The following NSMCE2 variants were observed in gnomAD, a reference collection of about 807,000 sequenced individuals.
NSMCE2 encodes the protein NSE2 SUMO ligase component of SMC5/6 complex, also known as E3 SUMO-protein ligase NSE2.
NSMCE2 carries 24 observed loss-of-function variants against 23.8 expected under a neutral mutation model. That is an observed-to-expected ratio of 1.01 (90% confidence interval 0.73 to 1.42). NSMCE2 has a LOEUF of 1.42. NSMCE2 is among the 40% of genes most tolerant of loss of function. The probability of loss-of-function intolerance (pLI) is 0.00; values close to 1 mark genes in which losing one functional copy is unlikely to be tolerated. For missense variants in NSMCE2, 284 were observed against 296.5 expected, an observed-to-expected ratio of 0.96 and a Z score of 0.31; for synonymous variants, 92 against 94.1, an observed-to-expected ratio of 0.98 and a Z score of 0.13.
chr8:125,197,498 G>A (rs201166262), intron 5 of NSMCE2, among the ~76,000 whole-genome samples: 10 of 152,208 alleles, frequency 6.6e-5, no homozygotes, highest in East Asian at 1.9e-4. Context: ...ATCAAAGATC[G>A]GATGGTTGTA....
At chr8:125,159,989 C>T (rs2130720717) in intron 4 of NSMCE2, among the ~76,000 whole-genome samples, 1 of 151,630 alleles carries the variant, frequency 6.6e-6, no homozygotes, top group South Asian at 2.1e-4. Flanking sequence ...TCAGTTGGTG[C>T]CAATAGTATG....
At chr8:125,263,594 C>G (rs1461119370) in intron 5 of NSMCE2, among the ~76,000 whole-genome samples, 1 of 151,916 alleles carries the variant, frequency 6.6e-6, no homozygotes, top group Non-Finnish European at 1.5e-5. Flanking sequence ...TACTAAAATA[C>G]AAAAAATTAG....
chr8:125,303,839 A>C (rs769680849), intron 5 of NSMCE2, among the ~76,000 whole-genome samples: 1 of 152,238 alleles, frequency 6.6e-6, no homozygotes, highest in Non-Finnish European at 1.5e-5. Flanking sequence ...ATTTCATTGC[A>C]TCAAGTGTGA....
chr8:125,257,673 A>G (rs1264928242), intron 5 of NSMCE2, among the ~76,000 whole-genome samples: 1 of 151,956 alleles, frequency 6.6e-6, no homozygotes, highest in Non-Finnish European at 1.5e-5. Flanking sequence ...AGCTGGGACT[A>G]CAGGCGCTCA....
chr8:125,121,736 TAAA>T (rs1819272269), intron 3 of NSMCE2, among the ~76,000 whole-genome samples: 3 of 152,204 alleles, frequency 2.0e-5, no homozygotes, highest in Admixed American at 2.0e-4. Flanking sequence ...TGGCATGTTA[TAAA>T]TGCCTTATGT....
chr8:125,127,652 G>T (rs1819578401), intron 3 of NSMCE2, among the ~76,000 whole-genome samples: 1 of 152,106 alleles, frequency 6.6e-6, no homozygotes, highest in Admixed American at 6.6e-5. Context: ...GCATTACCCT[G>T]TATCTGCCTT....
chr8:125,159,911 G>A (rs1821515077), intron 4 of NSMCE2, among the ~76,000 whole-genome samples: 1 of 151,438 alleles, frequency 6.6e-6, no homozygotes, highest in African/African-American at 2.4e-5. Context: ...AGTGAGCCAT[G>A]ATGGCGCCAC....
At chr8:125,185,303 A>G (rs2130811420) in intron 5 of NSMCE2, among the ~76,000 whole-genome samples, 1 of 150,686 alleles carries the variant, frequency 6.6e-6, no homozygotes, top group East Asian at 1.9e-4. Flanking sequence ...TTACATTTTA[A>G]ATTTTTTTTT....
Position 125,238,410 on chromosome 8 carries a change from A to G in NSMCE2, c.418+56154A>G, listed in dbSNP as rs978534624. ...CTATGAATATAACGGAACTGAAACC[A>G]TATTTCAATAAATTATTAACAGCAA... On this transcript the variant is annotated intron_variant, in intron 5 of 7. Coordinates refer to ENST00000287437, the MANE Select transcript of NSMCE2 (RefSeq NM_173685.4). 6.6e-5 allele frequency among the ~76,000 whole-genome samples: 10 copies of G among 152,352 alleles called. No homozygotes were observed. In the East Asian group the frequency reaches 1.4e-3, roughly 21 times the overall value.
At chr8:125,330,164 C>T (rs980427267) in intron 5 of NSMCE2, among the ~76,000 whole-genome samples, 2 of 136,570 alleles carry the variant, frequency 1.5e-5, no homozygotes, top group African/African-American at 5.5e-5. Flanking sequence ...ACAGAACTAA[C>T]TTTTTCTTTT....
chr8:125,157,228 G>A (rs1264102261), intron 4 of NSMCE2, among the ~76,000 whole-genome samples: 1 of 152,186 alleles, frequency 6.6e-6, no homozygotes, highest in African/African-American at 2.4e-5. Context: ...AAAAAGGCAG[G>A]AGGTGACAGG....
At chr8:125,190,674 G>A (rs1823304357) in intron 5 of NSMCE2, among the ~76,000 whole-genome samples, 1 of 152,104 alleles carries the variant, frequency 6.6e-6, no homozygotes, top group Non-Finnish European at 1.5e-5. Flanking sequence ...TATAGTAAAA[G>A]CACTCATCTA....
intron 5 of NSMCE2, among the ~76,000 whole-genome samples, chr8:125,214,929 C>T (rs971214962): frequency 1.3e-5 from 2 of 152,156 alleles, no homozygotes; most frequent in African/African-American, 2.4e-5. Context: ...TAGCCACCTC[C>T]AGAACTTTTT....
chr8:125,304,638 T>C (rs1828683975), intron 5 of NSMCE2, among the ~76,000 whole-genome samples: 1 of 151,696 alleles, frequency 6.6e-6, no homozygotes, highest in Non-Finnish European at 1.5e-5. Context: ...AGGCAGATCA[T>C]TTGAGGTCAA....
At chr8:125,214,015 A>G (rs1824469245) in intron 5 of NSMCE2, among the ~76,000 whole-genome samples, 1 of 152,252 alleles carries the variant, frequency 6.6e-6, no homozygotes, top group African/African-American at 2.4e-5. Context: ...AGAAGGTAGA[A>G]TAAAATCTGC....
chr8:125,311,127 C>T (rs937882331), intron 5 of NSMCE2, among the ~76,000 whole-genome samples: 2 of 152,144 alleles, frequency 1.3e-5, no homozygotes, highest in Non-Finnish European at 2.9e-5. Context: ...CTCTGGGGAC[C>T]ATATTGAGGC....
chr8:125,182,471 T>G, intron 5 of NSMCE2: 5 of 565,598 alleles, frequency 8.8e-6, no homozygotes, highest in Admixed American at 7.5e-5. Context: ...TTCCACAAAG[T>G]GCTCAGAAAA....
intron 5 of NSMCE2, among the ~76,000 whole-genome samples, chr8:125,279,213 C>T (rs942816866): frequency 1.3e-5 from 2 of 152,166 alleles, no homozygotes; most frequent in African/African-American, 2.4e-5. Context: ...CACCTGGGAG[C>T]TGAGACGTGG....
In NSMCE2 at chr8:125,182,346, T is replaced by A. The variant is rs576069142; in HGVS notation, c.418+90T>A. 1.6e-4 allele frequency: 152 copies of A among 955,106 alleles called. 3 individuals are homozygous for A. In the South Asian group the frequency reaches 2.0e-3, roughly 13 times the overall value. 59.2% of individuals were successfully genotyped at this position (955,106 alleles called of 1,614,324 possible). A position where few individuals can be genotyped will look rare whatever the true frequency, so the allele number is the denominator to read the frequency against. On this transcript the variant is annotated intron_variant, in intron 5 of 7. Transcript: ENST00000287437. Reference sequence around the variant, plus strand: ...CCCAGTTAACTGATTTTATAAAGTTTGCTTATCTGCTTGGCTTGATCCTCA... The same window carrying A: ...CCCAGTTAACTGATTTTATAAAGTTAGCTTATCTGCTTGGCTTGATCCTCA...
Sources: allele counts gnomAD v4.1 joint callset (sites outside exome capture counted in the v4.1 genomes callset), GRCh38; gene constraint gnomAD v4.1.1; transcripts MANE v1.5; gene names NCBI Gene and HGNC (gene_info 2026-07-23, HGNC 2026-07-21).